TAAR5: variants seen among roughly 807,000 people sequenced by gnomAD.
The protein encoded by TAAR5 is trace amine associated receptor 5.
Under a neutral mutation model 21.1 loss-of-function variants are expected in TAAR5, and 27 were observed. The ratio of observed to expected loss-of-function variants is 1.28; its 90% CI spans 0.94 to 1.76. TAAR5 has a LOEUF of 1.76. Ranked by LOEUF, TAAR5 falls within the 40% of genes most tolerant of loss-of-function variation. The probability of loss-of-function intolerance (pLI) is 0.00; values close to 1 mark genes in which losing one functional copy is unlikely to be tolerated. For missense variants in TAAR5, 495 were observed against 405.6 expected (o/e 1.22, Z -1.89); for synonymous variants, 203 against 167.5 (o/e 1.21, Z -1.64).
chr6:132,610,585 G>T, the TAAR5 span, among the ~76,000 whole-genome samples: 5 of 152,092 alleles, frequency 3.3e-5, no homozygotes, highest in African/African-American at 1.2e-4. Context: ...CGACGGGGAA[G>T]AAAAGTCACC....
chr6:132,603,132 A>G, the TAAR5 span, among the ~76,000 whole-genome samples: 26 of 152,076 alleles, frequency 1.7e-4, no homozygotes, highest in Admixed American at 1.4e-3. Flanking sequence ...GTGAGACTCC[A>G]TCTTGACTAA....
Position 132,589,420 on chromosome 6 carries a change from G to A in TAAR5, c.267C>T (p.Pro89=), listed in dbSNP as rs780841254. The A allele has an allele frequency of 2.5e-6, 4 of 1,613,954 alleles. No homozygotes were observed. Among genetic ancestry groups the A allele is most frequent in the Non-Finnish European group, 3.4e-6 (4 of 1,179,982 alleles). Residue 89 remains proline (P), a synonymous_variant, in exon 1 of 1, where the codon CCC becomes CCT. Transcript: ENST00000258034. ...ADMFLGLLVL[P]LSTIRSVESC... ...TCTCCACTGAGCGAATGGTGCTGAGGGGCAGCACCAGCAGACCCAGAAACA... is the reference window on the plus strand; with the variant it reads ...TCTCCACTGAGCGAATGGTGCTGAGAGGCAGCACCAGCAGACCCAGAAACA...
At chr6:132,596,462 C>T in the TAAR5 span, among the ~76,000 whole-genome samples, 2 of 152,162 alleles carry the variant, frequency 1.3e-5, no homozygotes, top group East Asian at 1.9e-4. Flanking sequence ...GGAAAATGAA[C>T]CCACAAGCAC....
chr6:132,596,608 C>T, the TAAR5 span, among the ~76,000 whole-genome samples: 1 of 152,116 alleles, frequency 6.6e-6, no homozygotes, highest in African/African-American at 2.4e-5. Flanking sequence ...AACATTATGA[C>T]ATGTTTTATT....
At chr6:132,602,336 T>G in the TAAR5 span, among the ~76,000 whole-genome samples, 1 of 152,178 alleles carries the variant, frequency 6.6e-6, no homozygotes. Flanking sequence ...GCCCTGAGCT[T>G]GTTTTTCTAC....
chr6:132,598,582 G>A, the TAAR5 span, among the ~76,000 whole-genome samples: 1 of 152,170 alleles, frequency 6.6e-6, no homozygotes, highest in Non-Finnish European at 1.5e-5. Flanking sequence ...CCACACTATT[G>A]TAGGTAGGCT....
chr6:132,602,481 A>G, the TAAR5 span, among the ~76,000 whole-genome samples: 1 of 152,140 alleles, frequency 6.6e-6, no homozygotes, highest in African/African-American at 2.4e-5. Context: ...TGAGAATCTA[A>G]TGCTGCCACT....
chr6:132,599,356 G>A, the TAAR5 span, among the ~76,000 whole-genome samples: 1 of 122,972 alleles, frequency 8.1e-6, no homozygotes, highest in African/African-American at 3.3e-5. Flanking sequence ...TTTTGACGGA[G>A]TCCCGCTCTG....
At chr6:132,614,701 T>C in the TAAR5 span, among the ~76,000 whole-genome samples, 1 of 152,172 alleles carries the variant, frequency 6.6e-6, no homozygotes, top group Non-Finnish European at 1.5e-5. Context: ...TATATAAGTT[T>C]GCTTCTGCTC....
the TAAR5 span, among the ~76,000 whole-genome samples, chr6:132,614,161 C>A: frequency 6.6e-6 from 1 of 152,152 alleles, no homozygotes; most frequent in African/African-American, 2.4e-5. Context: ...AAATAATTCT[C>A]CTTTAAATTC....
chr6:132,603,582 T>C, the TAAR5 span, among the ~76,000 whole-genome samples: 2 of 151,974 alleles, frequency 1.3e-5, no homozygotes, highest in Non-Finnish European at 2.9e-5. Flanking sequence ...ATTTATAATA[T>C]TGGTAATGTT....
chr6:132,611,963 G>A, the TAAR5 span, among the ~76,000 whole-genome samples: 2 of 152,146 alleles, frequency 1.3e-5, no homozygotes, highest in African/African-American at 4.8e-5. Flanking sequence ...CCTGTGTCAT[G>A]TAAAATTTAT....
the TAAR5 span, among the ~76,000 whole-genome samples, chr6:132,598,445 T>C: frequency 6.6e-6 from 1 of 152,206 alleles, no homozygotes; most frequent in Non-Finnish European, 1.5e-5. Context: ...TTTGGCTAAT[T>C]AGGCTGGTGA....
the TAAR5 span, among the ~76,000 whole-genome samples, chr6:132,607,085 C>T: frequency 6.6e-6 from 1 of 152,074 alleles, no homozygotes; most frequent in Non-Finnish European, 1.5e-5. Context: ...ATCTCAGCTA[C>T]TTGGGAGACT....
the TAAR5 span, among the ~76,000 whole-genome samples, chr6:132,615,363 G>T: frequency 6.6e-6 from 1 of 152,016 alleles, no homozygotes; most frequent in Non-Finnish European, 1.5e-5. Flanking sequence ...ATTCCTGAAT[G>T]TAACAAGAAA....
the TAAR5 span, among the ~76,000 whole-genome samples, chr6:132,601,111 G>GGAA: frequency 3.3e-5 from 1 of 29,954 alleles, no homozygotes. Context: ...GAGGGAAGAA[G>GGAA]GGAAGGAGGG....
the TAAR5 span, among the ~76,000 whole-genome samples, chr6:132,608,009 G>A: frequency 6.6e-6 from 1 of 152,144 alleles, no homozygotes; most frequent in South Asian, 2.1e-4. Flanking sequence ...TTCCCTACCA[G>A]TCAGAGGTGA....
chr6:132,589,291 G>A lies in TAAR5; in HGVS notation c.396C>T (p.Arg132=), dbSNP rs752924920. 16 of 1,612,694 alleles carry A rather than the reference G, an allele frequency of 9.9e-6. No homozygotes were observed. Among genetic ancestry groups the A allele is most frequent in the South Asian group, 4.4e-5 (4 of 90,780 alleles). The stretch of plus-strand genomic sequence containing the variant: ...GCAGGGGGTCACAGATGGCACAGTG[G>A]CGGTCAATGGAAATGAAACAGAGAT... ...IFHLCFISID[R]HCAICDPLLY... is the part of the protein sequence containing the mutation. Residue 132 remains arginine (R), a synonymous_variant, in exon 1 of 1, where the codon CGC becomes CGT. Transcript: ENST00000258034.
the TAAR5 span, among the ~76,000 whole-genome samples, chr6:132,612,082 C>G: frequency 6.6e-6 from 1 of 152,236 alleles, no homozygotes; most frequent in South Asian, 2.1e-4. Context: ...CTTTGGTTTT[C>G]ACCAAGGAAA....
Sources: allele counts gnomAD v4.1 joint callset (sites outside exome capture counted in the v4.1 genomes callset), GRCh38; gene constraint gnomAD v4.1.1; transcripts MANE v1.5; gene names NCBI Gene and HGNC (gene_info 2026-07-23, HGNC 2026-07-21).